The following LNX1 variants were observed in gnomAD, a reference collection of about 807,000 sequenced individuals.
LNX1 encodes the protein E3 ubiquitin-protein ligase LNX.
A neutral mutation model predicts 68.4 loss-of-function variants in LNX1; 54 were observed. That is an observed-to-expected ratio of 0.79 (90% CI 0.63 to 0.99). The LOEUF (loss-of-function observed/expected upper bound fraction) is 0.99, where lower values mean the gene tolerates loss of function less well. Ranked by LOEUF, LNX1 falls within the 50% of genes least tolerant of loss-of-function variation. The pLI, the probability that LNX1 is intolerant of heterozygous loss-of-function variation, is 0.00. For synonymous variants in LNX1, 336 were observed against 350.0 expected (o/e 0.96, Z 0.45); for missense variants, 906 against 926.4 (o/e 0.98, Z 0.29).
chr4:53,575,378 C>T (rs1275315759), intron 1 of LNX1, among the ~76,000 whole-genome samples: 1 of 152,146 alleles, frequency 6.6e-6, no homozygotes. Flanking sequence ...AACATGCTTG[C>T]TTTGCATCTA....
intron 1 of LNX1, among the ~76,000 whole-genome samples, chr4:53,645,022 A>G (rs973292240): frequency 9.9e-5 from 15 of 152,222 alleles, no homozygotes; most frequent in African/African-American, 3.4e-4. Context: ...GAGTGAGCCC[A>G]GGAAATCTCC....
In LNX1 at chr4:53,461,539, C is replaced by G. The variant is rs1294406348; in HGVS notation, c.1947G>C (p.Leu649=). ...CATAACCTCCTACAATGCAGAAGCC[C>G]AGACTTCCAGCTGTGTTTCTTCGTA... The part of the protein sequence containing the change: ...IVLRRNTAGS[L]GFCIVGGYEE... The change falls in exon 10 of 11, where the codon CTG becomes CTC. Residue 649 remains leucine (L), a synonymous_variant. Coordinates refer to ENST00000263925, the MANE Select transcript of LNX1 (RefSeq NM_001126328.3). 1 of 1,612,120 alleles carries G rather than the reference C, an allele frequency of 6.2e-7. No individual in the cohort carries two copies. Among genetic ancestry groups the G allele is most frequent in the Non-Finnish European group, 8.5e-7 (1 of 1,178,782 alleles).
At chr4:53,504,230 T>C (rs570848525) in intron 4 of LNX1, among the ~76,000 whole-genome samples, 16 of 152,264 alleles carry the variant, frequency 1.1e-4, no homozygotes, top group African/African-American at 1.4e-4. Flanking sequence ...CAATCAGCAT[T>C]TGCTGCTTCG....
intron 2 of LNX1, among the ~76,000 whole-genome samples, chr4:53,535,889 G>A (rs559453643): frequency 6.6e-6 from 1 of 152,130 alleles, no homozygotes; most frequent in Non-Finnish European, 1.5e-5. Context: ...CCTGATAACT[G>A]TTGACAAAAG....
At chr4:53,549,271 C>A (rs2280119) in intron 2 of LNX1, 3 of 151,894 alleles carry the variant, frequency 2.0e-5, no homozygotes, top group African/African-American at 7.3e-5. Context: ...GACTTCAATG[C>A]TCAATGTTTT....
intron 1 of LNX1, among the ~76,000 whole-genome samples, chr4:53,628,231 T>G (rs369235567): frequency 6.6e-6 from 1 of 152,128 alleles, no homozygotes; most frequent in Non-Finnish European, 1.5e-5. Flanking sequence ...GGAGAAAATA[T>G]ATGCAAACTA....
intron 1 of LNX1, among the ~76,000 whole-genome samples, chr4:53,637,956 C>A (rs1298728762): frequency 2.6e-5 from 4 of 152,134 alleles, no homozygotes; most frequent in Non-Finnish European, 2.9e-5. Flanking sequence ...GAGAAGGCTC[C>A]CACTGTGTAT....
In LNX1 at chr4:53,522,047, G is replaced by A. The variant is rs187779204; in HGVS notation, c.381-13820C>T. 1.2e-4 allele frequency among the ~76,000 whole-genome samples: 19 copies of A among 152,076 alleles called. No individual in the cohort carries two copies. In the East Asian group the frequency reaches 1.9e-3, roughly 16 times the overall value. ...TAGGCACAAGCAATCCTTCCATCTC[G>A]ATCTCCCAACTAGCTAGACTACCAG... On this transcript the variant is annotated intron_variant, in intron 2 of 10. Coordinates refer to ENST00000263925, the MANE Select transcript of LNX1 (RefSeq NM_001126328.3).
intron 1 of LNX1, among the ~76,000 whole-genome samples, chr4:53,651,012 A>T (rs568988588): frequency 1.3e-5 from 2 of 152,322 alleles, no homozygotes; most frequent in South Asian, 4.1e-4. Context: ...TATTACCATC[A>T]TTCTCATTTT....
At position 53,491,804 on chromosome 4, in the gene LNX1, TG is replaced by T. The variant is rs373173517; in HGVS notation, c.1350+4218del. ...TGAGGATACGATACTTTTTTTTGTTTGTTTGTTTTTTGAGAAAAGTTTCACT... is the reference window on the plus strand; with the variant it reads ...TGAGGATACGATACTTTTTTTTGTTTTTTGTTTTTTGAGAAAAGTTTCACT... On this transcript the variant is annotated intron_variant, in intron 6 of 10. Transcript: ENST00000263925. Among the ~76,000 whole-genome samples, 909 of 148,886 alleles carry T rather than the reference TG, an allele frequency of 6.1e-3. 104 individuals are homozygous for T. Among genetic ancestry groups the T allele is most frequent in the East Asian group, 8.8e-3 (45 of 5,112 alleles).
chr4:53,516,631 G>T (rs575265931), intron 2 of LNX1, among the ~76,000 whole-genome samples: 1 of 152,178 alleles, frequency 6.6e-6, no homozygotes, highest in Admixed American at 6.5e-5. Flanking sequence ...CATGGCAGGT[G>T]CCAGGAATGG....
chr4:53,553,082 TTTAAC>T (rs887146821), intron 2 of LNX1, among the ~76,000 whole-genome samples: 8 of 152,146 alleles, frequency 5.3e-5, no homozygotes, highest in African/African-American at 1.9e-4. Flanking sequence ...TTCAATTTGG[TTTAAC>T]TTAATTCTGC....
rs1176553333 is a variant in LNX1, at chr4:53,476,789, C to A, written c.1856G>T (p.Trp619Leu). ...SNHNMAPPSD[W>L]SPSWVMWLEL... is the part of the protein sequence containing the mutation. ...CAGCCACATGACCCAGGATGGGGACCAGTCACTGGGTGGGGCCATGTTGTG... is the reference window on the plus strand; with the variant it reads ...CAGCCACATGACCCAGGATGGGGACAAGTCACTGGGTGGGGCCATGTTGTG... Residue 619 changes from tryptophan to leucine, a missense_variant, in exon 9 of 11, where the codon TGG (tryptophan) becomes TTG (leucine). Physicochemically the swap from Trp to Leu is moderately conservative, Grantham distance 61. Transcript: ENST00000263925. 4 of 1,614,002 alleles carry A rather than the reference C, an allele frequency of 2.5e-6. No individual in the cohort carries two copies. In the East Asian group the frequency reaches 8.9e-5, roughly 36 times the overall value.
intron 1 of LNX1, among the ~76,000 whole-genome samples, chr4:53,643,796 T>C (rs1436926105): frequency 6.6e-6 from 1 of 152,182 alleles, no homozygotes; most frequent in Non-Finnish European, 1.5e-5. Context: ...AATAGGACTT[T>C]TCAGAATTAT....
chr4:53,591,448 G>C lies in LNX1; in HGVS notation c.-147C>G, dbSNP rs1434130272. ...AGCAGGCAGGCAGCTCTCATTCCTT[G>C]TGGGTGAACCGAGCAGCTCCTTGGG... On this transcript the variant is annotated 5_prime_UTR_variant, in exon 1 of 11. Coordinates refer to ENST00000263925, the MANE Select transcript of LNX1 (RefSeq NM_001126328.3). 1 of 985,658 alleles carries C rather than the reference G, an allele frequency of 1.0e-6. No individual in the cohort carries two copies. The highest frequency in any genetic ancestry group is 1.7e-5 in the African/African-American group (1 of 57,232). 61.1% of individuals were successfully genotyped at this position (985,658 alleles called of 1,614,324 possible).
chr4:53,544,374 T>C (rs1249094958), intron 2 of LNX1, among the ~76,000 whole-genome samples: 19 of 152,186 alleles, frequency 1.2e-4, no homozygotes, highest in Admixed American at 8.5e-4. Flanking sequence ...TCTGCATTTT[T>C]AGTAAAGACA....
chr4:53,543,511 C>T (rs1728894906), intron 2 of LNX1, among the ~76,000 whole-genome samples: 2 of 100,144 alleles, frequency 2.0e-5, no homozygotes, highest in Non-Finnish European at 4.3e-5. Flanking sequence ...CAGGAGGCTA[C>T]CTAGCTTGGA....
intron 2 of LNX1, among the ~76,000 whole-genome samples, chr4:53,554,061 C>T (rs113449560): frequency 2.4e-4 from 36 of 152,262 alleles, no homozygotes; most frequent in African/African-American, 5.3e-4. Context: ...GTATAGGAGA[C>T]GGATGACGTC....
chr4:53,462,998 G>A (rs1313285085), intron 9 of LNX1, among the ~76,000 whole-genome samples: 2 of 152,062 alleles, frequency 1.3e-5, no homozygotes, highest in African/African-American at 4.8e-5. Context: ...TTCCCACCTG[G>A]GAGGATGTGT....
Sources: allele counts gnomAD v4.1 joint callset (sites outside exome capture counted in the v4.1 genomes callset), GRCh38; gene constraint gnomAD v4.1.1; transcripts MANE v1.5; gene names NCBI Gene and HGNC (gene_info 2026-07-23, HGNC 2026-07-21).